TENM2: variants seen among roughly 807,000 people sequenced by gnomAD.
TENM2 encodes teneurin transmembrane protein 2.
TENM2 carries 52 observed loss-of-function variants against 245.2 expected under a neutral mutation model. The observed-to-expected ratio is 0.21, with a 90% CI of 0.17 to 0.27. The LOEUF (loss-of-function observed/expected upper bound fraction) is 0.27, where lower values mean the gene tolerates loss of function less well. Ranked by LOEUF, TENM2 falls within the 10% of genes least tolerant of loss-of-function variation. The probability of loss-of-function intolerance (pLI) is 1.00; values close to 1 mark genes in which losing one functional copy is unlikely to be tolerated. For missense variants in TENM2, 3,046 were observed against 3,666.8 expected, an observed-to-expected ratio of 0.83 and a Z score of 4.37; for synonymous variants, 1,363 against 1,438.9, an observed-to-expected ratio of 0.95 and a Z score of 1.19.
At chr5:167,198,896 C>T in the TENM2 span, among the ~76,000 whole-genome samples, 1 of 152,022 alleles carries the variant, frequency 6.6e-6, no homozygotes. Flanking sequence ...TGTCCTAATT[C>T]CACAGTGTAT....
the TENM2 span, among the ~76,000 whole-genome samples, chr5:167,224,792 A>C: frequency 6.6e-6 from 1 of 152,182 alleles, no homozygotes; most frequent in Non-Finnish European, 1.5e-5. Flanking sequence ...TGCTTTGAGC[A>C]GTATGGTAGT....
At chr5:167,942,713 C>T (rs1278833066) in intron 3 of TENM2, among the ~76,000 whole-genome samples, 1 of 152,160 alleles carries the variant, frequency 6.6e-6, no homozygotes, top group Non-Finnish European at 1.5e-5. Flanking sequence ...GGTACTTCTA[C>T]TCATCATTCA....
rs546378395 is a variant in TENM2, at chr5:168,061,998, A to G, written c.1310-62A>G. On this transcript the variant is annotated intron_variant, in intron 6 of 28. Coordinates refer to ENST00000518659, the Ensembl canonical transcript of TENM2. ...AAAAACCTGGCATGTAATTAAACAA[A>G]TATAGAGCCAACTAATCTATACACG... 3.7e-5 allele frequency: 53 copies of G among 1,431,890 alleles called. No individual in the cohort carries two copies. In the South Asian group the frequency reaches 7.2e-4, roughly 19 times the overall value. 88.7% of individuals were successfully genotyped at this position (1,431,890 alleles called of 1,614,324 possible).
intron 27 of TENM2, among the ~76,000 whole-genome samples, chr5:168,256,427 C>CTTT (rs564590839): frequency 2.2e-5 from 3 of 133,798 alleles, no homozygotes; most frequent in Non-Finnish European, 4.7e-5. Flanking sequence ...AACTTGTATT[C>CTTT]TTTTTTTTTT....
At chr5:167,313,988 A>G (rs1756199273) in intron 1 of TENM2, among the ~76,000 whole-genome samples, 1 of 151,990 alleles carries the variant, frequency 6.6e-6, no homozygotes, top group Non-Finnish European at 1.5e-5. Context: ...GCTCAGCAAG[A>G]CCCTCTACCG....
chr5:167,073,541 A>G, the TENM2 span, among the ~76,000 whole-genome samples: 2 of 151,936 alleles, frequency 1.3e-5, no homozygotes, highest in African/African-American at 4.8e-5. Context: ...GAAATTTGCT[A>G]TTGTCTCTCC....
Position 168,133,339 on chromosome 5 carries a change from A to G in TENM2, c.2422+6373A>G, listed in dbSNP as rs62383425. Among the ~76,000 whole-genome samples the G allele has an allele frequency of 4.9e-3, 739 of 152,304 alleles. 4 individuals are homozygous for G. The highest frequency in any genetic ancestry group is 0.024 in the Middle Eastern group (7 of 294). ...TAAATTTAAAGAAAAATATTAAGTAAATAGTACAGATATTGCAAATGTCAT... is the reference window on the plus strand; with the variant it reads ...TAAATTTAAAGAAAAATATTAAGTAGATAGTACAGATATTGCAAATGTCAT... On this transcript the variant is annotated intron_variant, in intron 12 of 28. Transcript: ENST00000518659.
At chr5:167,483,300 T>C (rs6889293) in intron 2 of TENM2, among the ~76,000 whole-genome samples, 134,649 of 152,216 alleles carry the variant, frequency 0.88, 60,686 homozygotes, top group Non-Finnish European at 0.98. Context: ...TTCGAAAACT[T>C]CCCTCACCTT....
the TENM2 span, among the ~76,000 whole-genome samples, chr5:167,170,000 G>T: frequency 6.6e-6 from 1 of 152,164 alleles, no homozygotes; most frequent in Non-Finnish European, 1.5e-5. Context: ...TGTTTCTTGG[G>T]TGTGGTCAGT....
intron 4 of TENM2, among the ~76,000 whole-genome samples, chr5:167,981,897 C>T (rs1484149253): frequency 6.6e-6 from 1 of 151,370 alleles, no homozygotes; most frequent in African/African-American, 2.4e-5. Flanking sequence ...TTGCTTGAAC[C>T]TGGGAGGCGG....
intron 2 of TENM2, among the ~76,000 whole-genome samples, chr5:167,495,299 A>G (rs552053699): frequency 3.9e-4 from 59 of 151,436 alleles, no homozygotes; most frequent in Non-Finnish European, 7.5e-4. Flanking sequence ...ACAAACATGG[A>G]CACAAATTTG....
At chr5:167,354,813 T>A (rs192052797) in intron 1 of TENM2, among the ~76,000 whole-genome samples, 7 of 152,302 alleles carry the variant, frequency 4.6e-5, no homozygotes, top group Non-Finnish European at 7.4e-5. Flanking sequence ...TCAATAAATA[T>A]TAAGCCAGAA....
At chr5:168,062,034 C>A (rs763885656) in intron 6 of TENM2, 26 bp from the exon 9 acceptor site, 2 of 1,548,074 alleles carry the variant, frequency 1.3e-6, no homozygotes, top group Non-Finnish European at 1.7e-6. Flanking sequence ...TCATTGACTG[C>A]TGTTTATTCC....
At chr5:167,284,799 C>T (rs777928589) in exon 1 of TENM2, 30 of 1,498,390 alleles carry the variant, frequency 2.0e-5, no homozygotes, top group East Asian at 1.7e-4. Flanking sequence ...TCAGGCCTGA[C>T]TTTTCTGAAA....
At chr5:167,595,970 T>C (rs1240488874) in intron 2 of TENM2, among the ~76,000 whole-genome samples, 2 of 152,202 alleles carry the variant, frequency 1.3e-5, no homozygotes, top group African/African-American at 4.8e-5. Context: ...TTTCAGTGTG[T>C]AAATGTTCAC....
At chr5:167,287,262 A>T (rs1754339279) in intron 1 of TENM2, 1 of 152,226 alleles carries the variant, frequency 6.6e-6, no homozygotes, top group Non-Finnish European at 1.5e-5. Context: ...CTTGAAACTT[A>T]GCCACTACAG....
chr5:168,104,353 C>T (rs1794075237), intron 9 of TENM2, among the ~76,000 whole-genome samples: 2 of 152,112 alleles, frequency 1.3e-5, no homozygotes, highest in Non-Finnish European at 2.9e-5. Flanking sequence ...GATAAAAACT[C>T]TTAAAAGGCC....
chr5:167,487,340 CAT>C (rs762375780), intron 2 of TENM2, among the ~76,000 whole-genome samples: 2 of 151,858 alleles, frequency 1.3e-5, no homozygotes, highest in Admixed American at 1.3e-4. Context: ...GATAGATTTG[CAT>C]GTGTGTGTGT....
the TENM2 span, among the ~76,000 whole-genome samples, chr5:166,989,812 T>G: frequency 0.26 from 38,773 of 149,118 alleles, 7,582 homozygotes; most frequent in African/African-American, 0.54. Context: ...TGAGAACTTC[T>G]CTGTTGCTGA....
Sources: gnomAD v4.1 joint callset for allele counts (sites outside exome capture counted in the v4.1 genomes callset) on GRCh38, gnomAD v4.1.1 for gene constraint, MANE v1.5 for transcripts, NCBI Gene and HGNC (gene_info 2026-07-23, HGNC 2026-07-21) for gene names.